The following MYO18B variants were observed in gnomAD, a reference collection of about 807,000 sequenced individuals.
MYO18B encodes the protein myosin XVIIIB, also known as unconventional myosin-XVIIIb.
A neutral mutation model predicts 273.0 loss-of-function variants in MYO18B; 204 were observed. The observed-to-expected ratio is 0.75, with a 90% CI of 0.67 to 0.84. MYO18B has a LOEUF of 0.84. Among genes scored for constraint, MYO18B ranks in the 40% least tolerant of loss-of-function variants. The pLI is 0.00. For synonymous variants in MYO18B, 1,330 were observed against 1,305.7 expected, an observed-to-expected ratio of 1.02 and a Z score of -0.40; for missense variants, 3,212 against 3,287.6, an observed-to-expected ratio of 0.98 and a Z score of 0.56.
intron 42 of MYO18B, among the ~76,000 whole-genome samples, chr22:26,009,431 G>A (rs1230419316): frequency 6.6e-6 from 1 of 152,102 alleles, no homozygotes; most frequent in East Asian, 1.9e-4. Context: ...TCACCTTGCT[G>A]TCCTATTGAG....
intron 11 of MYO18B, among the ~76,000 whole-genome samples, chr22:25,791,580 A>G (rs1462534812): frequency 6.6e-6 from 1 of 152,182 alleles, no homozygotes; most frequent in Non-Finnish European, 1.5e-5. Flanking sequence ...CGTCTTCTCT[A>G]TAATTTCTTT....
At chr22:25,851,019 A>G (rs1020632446) in intron 20 of MYO18B, among the ~76,000 whole-genome samples, 1 of 152,190 alleles carries the variant, frequency 6.6e-6, no homozygotes, top group Non-Finnish European at 1.5e-5. Flanking sequence ...CCAATGCAGC[A>G]TGCTTCACAT....
At chr22:25,939,172 C>T (rs1161410128) in intron 34 of MYO18B, among the ~76,000 whole-genome samples, 1 of 152,216 alleles carries the variant, frequency 6.6e-6, no homozygotes, top group Non-Finnish European at 1.5e-5. Context: ...GCATTACCTC[C>T]TTTAATTCAC....
chr22:26,033,920 C>G (rs147479695), downstream of MYO18B, among the ~76,000 whole-genome samples: 1 of 145,616 alleles, frequency 6.9e-6, no homozygotes, highest in Non-Finnish European at 1.5e-5. Flanking sequence ...TTCCTTCTTT[C>G]CTTTCTTTCT....
chr22:25,746,909 C>G (rs1160452741), intron 1 of MYO18B, among the ~76,000 whole-genome samples: 1 of 152,134 alleles, frequency 6.6e-6, no homozygotes, highest in Admixed American at 6.5e-5. Context: ...ATCACGAGGT[C>G]AGGAGATCGA....
intron 7 of MYO18B, among the ~76,000 whole-genome samples, chr22:25,776,373 G>C (rs567226299): frequency 6.6e-6 from 1 of 152,136 alleles, no homozygotes; most frequent in Non-Finnish European, 1.5e-5. Context: ...CGAGGCTGGC[G>C]GATCACTTGA....
At chr22:25,980,890 C>G (rs1290223461) in intron 39 of MYO18B, among the ~76,000 whole-genome samples, 6 of 152,194 alleles carry the variant, frequency 3.9e-5, no homozygotes, top group Non-Finnish European at 8.8e-5. Flanking sequence ...AAGGTGTCAG[C>G]AGGACCATGC....
chr22:25,862,847 G>GT (rs376331683), intron 21 of MYO18B, among the ~76,000 whole-genome samples: 1 of 114,404 alleles, frequency 8.7e-6, no homozygotes, highest in Admixed American at 8.1e-5. Flanking sequence ...CTTTTTTTTT[G>GT]GGGGGGGGTG....
intron 42 of MYO18B, among the ~76,000 whole-genome samples, chr22:26,008,531 C>T (rs933025086): frequency 6.6e-6 from 1 of 152,210 alleles, no homozygotes; most frequent in Non-Finnish European, 1.5e-5. Context: ...GCATTCCCCA[C>T]ATTATTTATA....
At chr22:25,784,236 G>A (rs1053347207) in intron 10 of MYO18B, among the ~76,000 whole-genome samples, 3 of 152,148 alleles carry the variant, frequency 2.0e-5, no homozygotes, top group African/African-American at 7.2e-5. Flanking sequence ...TGCTTTCCCA[G>A]TACCTAGCCC....
intron 31 of MYO18B, among the ~76,000 whole-genome samples, chr22:25,905,055 T>A (rs570828423): frequency 5.5e-4 from 83 of 151,704 alleles, no homozygotes; most frequent in African/African-American, 1.5e-3. Context: ...GTGTTTTTTT[T>A]AAAAAAAATG....
intron 12 of MYO18B, among the ~76,000 whole-genome samples, chr22:25,821,685 G>A (rs2089287556): frequency 6.6e-6 from 1 of 152,162 alleles, no homozygotes; most frequent in African/African-American, 2.4e-5. Context: ...GCTGAGGCAG[G>A]AGAATGGTGT....
intron 25 of MYO18B, among the ~76,000 whole-genome samples, chr22:25,887,573 G>A (rs919199941): frequency 6.6e-5 from 10 of 152,236 alleles, no homozygotes; most frequent in African/African-American, 2.4e-4. Flanking sequence ...TGAGTAATCT[G>A]CAAGGACTCT....
At chr22:26,032,072 A>G (rs370377577), downstream of MYO18B, among the ~76,000 whole-genome samples, 1 of 152,208 alleles carries the variant, frequency 6.6e-6, no homozygotes, top group African/African-American at 2.4e-5. Context: ...GGTTCTCCCA[A>G]AGCTTTCTGC....
At chr22:25,967,467 T>C (rs113576025) in intron 39 of MYO18B, among the ~76,000 whole-genome samples, 2,072 of 152,260 alleles carry the variant, frequency 0.014, 44 homozygotes, top group African/African-American at 0.047. Flanking sequence ...CAAAGTATAA[T>C]TCGGTTTGAA....
intron 12 of MYO18B, among the ~76,000 whole-genome samples, chr22:25,802,174 T>G (rs1264516311): frequency 6.6e-6 from 1 of 152,186 alleles, no homozygotes; most frequent in Non-Finnish European, 1.5e-5. Flanking sequence ...GTCTAATAAT[T>G]CACTAGAATG....
intron 8 of MYO18B, among the ~76,000 whole-genome samples, 195 bp from the exon 9 acceptor site, chr22:25,779,861 C>T (rs1485769875): frequency 6.6e-6 from 1 of 152,176 alleles, no homozygotes; most frequent in African/African-American, 2.4e-5. Context: ...AATCGGTGCT[C>T]AGTGAAATGT....
At chr22:25,829,753 G>T (rs56306213) in intron 15 of MYO18B, among the ~76,000 whole-genome samples, 2 of 151,968 alleles carry the variant, frequency 1.3e-5, no homozygotes, top group Non-Finnish European at 2.9e-5. Flanking sequence ...CAGGAGAATC[G>T]CTTGAACCCG....
chr22:25,794,274 G>A (rs966718210), intron 11 of MYO18B, among the ~76,000 whole-genome samples: 2 of 150,426 alleles, frequency 1.3e-5, no homozygotes, highest in African/African-American at 2.4e-5. Flanking sequence ...TGGTGTGATC[G>A]TGGTTCACTG....
Sources: allele counts gnomAD v4.1 joint callset (sites outside exome capture counted in the v4.1 genomes callset), GRCh38; gene constraint gnomAD v4.1.1; transcripts MANE v1.5; gene names NCBI Gene and HGNC (gene_info 2026-07-23, HGNC 2026-07-21).